The following CTNNA3 variants were observed in gnomAD, a reference collection of about 807,000 sequenced individuals.
The protein encoded by CTNNA3 is catenin alpha-3.
Under a neutral mutation model 95.7 loss-of-function variants are expected in CTNNA3, and 76 were observed. The observed-to-expected ratio is 0.79, with a 90% CI of 0.66 to 0.96. CTNNA3 has a LOEUF of 0.96. Among genes scored for constraint, CTNNA3 ranks in the 40% least tolerant of loss-of-function variants. CTNNA3 has a pLI of 0.00. For missense variants in CTNNA3, 1,191 were observed against 1,089.8 expected (o/e 1.09, Z -1.31); for synonymous variants, 431 against 374.4 (o/e 1.15, Z -1.74).
At position 66,053,178 on chromosome 10, in the gene CTNNA3, G is replaced by C. The variant is rs544197613; in HGVS notation, c.2159+16130C>G. 5.3e-5 allele frequency among the ~76,000 whole-genome samples: 8 copies of C among 151,714 alleles called. No individual in the cohort carries two copies. The East Asian group carries it at 1.6e-3, about 29-fold the overall frequency. The stretch of plus-strand genomic sequence containing the variant: ...TTGGTTTAGAATACACATTATCAGA[G>C]ATCACCTTTTTCTATAAAAATAACT... On this transcript the variant is annotated intron_variant, in intron 15 of 17. Transcript: ENST00000433211.
chr10:66,602,620 C>T (rs1484770992), intron 10 of CTNNA3, among the ~76,000 whole-genome samples: 1 of 151,814 alleles, frequency 6.6e-6, no homozygotes, highest in Admixed American at 6.6e-5. Context: ...ACCCTGATAC[C>T]AACACCAGAG....
Position 66,360,670 on chromosome 10 carries a change from C to CCTTTTCTTTCTTT in CTNNA3, c.1732+18481_1732+18482insAAAGAAAGAAAAG, listed in dbSNP as rs1259042600. 4.4e-3 allele frequency among the ~76,000 whole-genome samples: 228 copies of CCTTTTCTTTCTTT among 51,500 alleles called. 4 individuals are homozygous for CCTTTTCTTTCTTT. Among genetic ancestry groups the CCTTTTCTTTCTTT allele is most frequent in the African/African-American group, 0.011 (209 of 19,532 alleles). The allele number at this position is 51,500 out of a possible 152,430, so 33.8% of individuals were successfully genotyped here. On this transcript the variant is annotated intron_variant, in intron 12 of 17. Transcript: ENST00000433211. ...TTCTTTCTTTCTTTCTTCCTTCCTT[C>CCTTTTCTTTCTTT]CTTCCTTCCTTCCTTCCTTCCTTTT...
At position 66,218,909 on chromosome 10, in the gene CTNNA3, A is replaced by ACTT. The variant is rs562295335; in HGVS notation, c.1884+61558_1884+61560dup. ...TACAGGACAGAGTCCTAATCAAGAA[A>ACTT]CTTCCAAATTTTTCCTGACTGAATT... On this transcript the variant is annotated intron_variant, in intron 13 of 17. Transcript: ENST00000433211. Among the ~76,000 whole-genome samples, 82 of 152,302 alleles carry ACTT rather than the reference A, an allele frequency of 5.4e-4. No individual in the cohort carries two copies. In the South Asian group the frequency reaches 0.016, roughly 30 times the overall value.
At chr10:67,088,464 G>A (rs1434942018) in intron 7 of CTNNA3, among the ~76,000 whole-genome samples, 1 of 151,750 alleles carries the variant, frequency 6.6e-6, no homozygotes, top group East Asian at 1.9e-4. Context: ...CATTTAAATA[G>A]TTAAGATTTT....
chr10:67,678,194 A>G (rs1840567625), intron 1 of CTNNA3, among the ~76,000 whole-genome samples: 1 of 152,222 alleles, frequency 6.6e-6, no homozygotes, highest in Admixed American at 6.5e-5. Context: ...AGGGAAAATT[A>G]TCACCAAGAC....
At chr10:66,362,096 A>ATTTTTTTTTTTTTTTTTTTTTTTTTTTTT (rs569047811) in intron 12 of CTNNA3, among the ~76,000 whole-genome samples, 1 of 81,774 alleles carries the variant, frequency 1.2e-5, no homozygotes, top group South Asian at 4.1e-4. Flanking sequence ...TTCATACACA[A>ATTTTTTTTTTTTTTTTTTTTTTTTTTTTT]TTTTTTTTTT....
chr10:67,135,447 G>A (rs1290568615), intron 7 of CTNNA3, among the ~76,000 whole-genome samples: 1 of 152,160 alleles, frequency 6.6e-6, no homozygotes, highest in African/African-American at 2.4e-5. Context: ...GACCAAGGTT[G>A]AAAGGATTGT....
At chr10:66,696,737 A>T (rs1847778896) in intron 9 of CTNNA3, among the ~76,000 whole-genome samples, 1 of 151,582 alleles carries the variant, frequency 6.6e-6, no homozygotes, top group African/African-American at 2.4e-5. Context: ...GTTCAAGATC[A>T]GCCTGGGCAA....
At chr10:66,806,197 T>C (rs1292365681) in intron 7 of CTNNA3, among the ~76,000 whole-genome samples, 2 of 151,804 alleles carry the variant, frequency 1.3e-5, no homozygotes, top group Non-Finnish European at 2.9e-5. Flanking sequence ...ATACTGAAGT[T>C]AGAGCATGAT....
intron 9 of CTNNA3, among the ~76,000 whole-genome samples, chr10:66,625,600 G>A (rs568735628): frequency 1.3e-5 from 2 of 152,224 alleles, no homozygotes; most frequent in African/African-American, 4.8e-5. Flanking sequence ...TGTTGGCTAA[G>A]CTGGTTTTGA....
chr10:66,305,353 TA>T (rs1216374383), intron 12 of CTNNA3, among the ~76,000 whole-genome samples: 4 of 152,098 alleles, frequency 2.6e-5, no homozygotes, highest in African/African-American at 9.7e-5. Flanking sequence ...GTGTTGATAA[TA>T]ATGTATCCAA....
At chr10:66,768,658 A>C (rs1839962402) in intron 8 of CTNNA3, among the ~76,000 whole-genome samples, 1 of 152,062 alleles carries the variant, frequency 6.6e-6, no homozygotes, top group African/African-American at 2.4e-5. Flanking sequence ...TCACCTTTCT[A>C]CCAAGAGAAA....
At chr10:67,082,307 T>C (rs1169455814) in intron 7 of CTNNA3, among the ~76,000 whole-genome samples, 2 of 152,186 alleles carry the variant, frequency 1.3e-5, no homozygotes, top group Admixed American at 6.5e-5. Context: ...TTCTCAATAA[T>C]GCATTGAAGT....
At chr10:66,016,690 T>C (rs1328683612) in intron 15 of CTNNA3, among the ~76,000 whole-genome samples, 1 of 152,152 alleles carries the variant, frequency 6.6e-6, no homozygotes, top group Non-Finnish European at 1.5e-5. Context: ...CTGACCTCAG[T>C]AGAACTAGTC....
At chr10:66,599,797 T>C (rs1843856568) in intron 10 of CTNNA3, among the ~76,000 whole-genome samples, 1 of 151,914 alleles carries the variant, frequency 6.6e-6, no homozygotes, top group Admixed American at 6.6e-5. Flanking sequence ...AGTAACTCTC[T>C]GGCCTCCACT....
intron 8 of CTNNA3, among the ~76,000 whole-genome samples, chr10:66,770,265 C>T (rs1362594093): frequency 6.6e-6 from 1 of 152,144 alleles, no homozygotes; most frequent in Non-Finnish European, 1.5e-5. Flanking sequence ...ATTGTATAGT[C>T]ATATATACCT....
At chr10:66,083,009 C>G (rs2080823478) in intron 14 of CTNNA3, among the ~76,000 whole-genome samples, 1 of 148,010 alleles carries the variant, frequency 6.8e-6, no homozygotes, top group African/African-American at 2.5e-5. Context: ...AAAAGAGTCC[C>G]TTCCCTAAAG....
chr10:67,704,714 T>C (rs1409766563), intron 1 of CTNNA3, among the ~76,000 whole-genome samples: 4 of 152,002 alleles, frequency 2.6e-5, no homozygotes, highest in South Asian at 2.1e-4. Flanking sequence ...GACATAGGCA[T>C]GGGCAAGGAC....
intron 5 of CTNNA3, among the ~76,000 whole-genome samples, chr10:67,377,469 C>G (rs985194549): frequency 2.0e-5 from 3 of 152,070 alleles, no homozygotes; most frequent in African/African-American, 7.2e-5. Flanking sequence ...ATTTCTCATC[C>G]TAATACTTTC....
Sources: gnomAD v4.1 joint callset for allele counts (sites outside exome capture counted in the v4.1 genomes callset) on GRCh38, gnomAD v4.1.1 for gene constraint, MANE v1.5 for transcripts, NCBI Gene and HGNC (gene_info 2026-07-23, HGNC 2026-07-21) for gene names.